The following FBXO16 variants were observed in gnomAD, a reference collection of about 807,000 sequenced individuals.
FBXO16 encodes F-box only protein 16.
FBXO16 carries 31 observed loss-of-function variants against 41.0 expected under a neutral mutation model. That is an observed-to-expected ratio of 0.76 (90% CI 0.57 to 1.02). The LOEUF (loss-of-function observed/expected upper bound fraction) is 1.02, where lower values mean the gene tolerates loss of function less well. FBXO16 is among the 50% of genes least tolerant of loss of function. FBXO16 has a pLI of 0.00. For synonymous variants in FBXO16, 133 were observed against 117.8 expected, an observed-to-expected ratio of 1.13 and a Z score of -0.84; for missense variants, 361 against 346.2, an observed-to-expected ratio of 1.04 and a Z score of -0.34.
chr8:28,439,389 C>T (rs1178386489), intron 7 of FBXO16, among the ~76,000 whole-genome samples: 2 of 152,044 alleles, frequency 1.3e-5, no homozygotes, highest in African/African-American at 4.8e-5. Flanking sequence ...AGTTAAAAAC[C>T]TCTCCAATGG....
chr8:28,447,576 G>C (rs1039517303), intron 6 of FBXO16: 1 of 287,924 alleles, frequency 3.5e-6, no homozygotes, highest in African/African-American at 2.2e-5. Flanking sequence ...TATGTACTGG[G>C]TGCTGCCATT....
rs200589242 is a variant in FBXO16, at chr8:28,489,719, A to C, written c.-17+467T>G. Among the ~76,000 whole-genome samples the C allele has an allele frequency of 5.4e-4, 81 of 150,730 alleles. 1 individual carries two copies. The highest frequency in any genetic ancestry group is 6.8e-3 in the Middle Eastern group (2 of 294). ...TGTCTCAAAAAACAAAAACCAACAA[A>C]AAAAAAAAAACCCTTGTAGAATTGT... On this transcript the variant is annotated intron_variant, in intron 1 of 8. Coordinates refer to ENST00000380254, the MANE Select transcript of FBXO16 (RefSeq NM_172366.4).
At chr8:28,461,760 G>C (rs1226376039) in intron 4 of FBXO16, among the ~76,000 whole-genome samples, 2 of 152,108 alleles carry the variant, frequency 1.3e-5, no homozygotes, top group Non-Finnish European at 2.9e-5. Flanking sequence ...AATGAAGAAA[G>C]CAAGATTTTA....
chr8:28,484,121 T>G (rs926156610), intron 1 of FBXO16, among the ~76,000 whole-genome samples: 2 of 152,174 alleles, frequency 1.3e-5, no homozygotes, highest in Non-Finnish European at 2.9e-5. Flanking sequence ...CACTGGACTC[T>G]GGGGGGAAAT....
At chr8:28,466,002 G>A (rs1297778537) in intron 3 of FBXO16, among the ~76,000 whole-genome samples, 1 of 152,120 alleles carries the variant, frequency 6.6e-6, no homozygotes, top group Non-Finnish European at 1.5e-5. Flanking sequence ...ATGCCTGGGA[G>A]GCCGAGGCCG....
chr8:28,453,430 T>C (rs1802987449), intron 5 of FBXO16, among the ~76,000 whole-genome samples: 1 of 151,960 alleles, frequency 6.6e-6, no homozygotes, highest in Non-Finnish European at 1.5e-5. Context: ...AGAAATTTTA[T>C]CAATTATCAA....
chr8:28,446,996 A>G (rs1802874527), intron 7 of FBXO16, 175 bp downstream of exon 7: 3 of 560,464 alleles, frequency 5.4e-6, no homozygotes, highest in Non-Finnish European at 9.4e-6. Flanking sequence ...GAGAGATTAA[A>G]TAAAGTGTAT....
Position 28,428,484 on chromosome 8 carries a change from C to T in FBXO16, c.*243G>A, listed in dbSNP as rs1802559526. The T allele has an allele frequency of 7.2e-6, 10 of 1,387,996 alleles. No individual in the cohort carries two copies. Among genetic ancestry groups the T allele is most frequent in the Middle Eastern group, 2.5e-4 (1 of 3,942 alleles). 86.0% of individuals were successfully genotyped at this position (1,387,996 alleles called of 1,614,324 possible). On this transcript the variant is annotated 3_prime_UTR_variant, in exon 9 of 9. Transcript: ENST00000380254. ...ATAAGTACTTAAGCTGAAAGAGTTT[C>T]TAATGGGAGCCAAGTAAATTCAGCT...
At chr8:28,476,502 T>G (rs1803425363) in intron 2 of FBXO16, among the ~76,000 whole-genome samples, 2 of 152,216 alleles carry the variant, frequency 1.3e-5, no homozygotes, top group African/African-American at 4.8e-5. Flanking sequence ...TTTCAGAGAT[T>G]TGCAATCAGG....
intron 2 of FBXO16, 84 bp from the exon 3 acceptor site, chr8:28,473,891 G>A (rs928052384): frequency 2.6e-5 from 26 of 1,005,954 alleles, no homozygotes; most frequent in African/African-American, 3.3e-5. Context: ...TTAAGGGATC[G>A]GTGAATAAAC....
At chr8:28,471,805 C>CAAAAAAAAAA (rs557259701) in intron 3 of FBXO16, among the ~76,000 whole-genome samples, 1 of 23,728 alleles carries the variant, frequency 4.2e-5, no homozygotes, top group African/African-American at 7.8e-5. Context: ...CAGAGAATCT[C>CAAAAAAAAAA]AAAAAAAAAA....
At chr8:28,440,547 T>C (rs952588003) in intron 7 of FBXO16, among the ~76,000 whole-genome samples, 9 of 152,206 alleles carry the variant, frequency 5.9e-5, no homozygotes, top group African/African-American at 1.9e-4. Context: ...TTAGAGTATA[T>C]TCCTGTGTGT....
intron 3 of FBXO16, 26 bp from the exon 4 acceptor site, chr8:28,463,844 GTAAAA>G: frequency 6.2e-7 from 1 of 1,606,900 alleles, no homozygotes; most frequent in Non-Finnish European, 8.5e-7. Flanking sequence ...AAAGCAAAAT[GTAAAA>G]AGCTCCAGGT....
chr8:28,469,911 T>C (rs192397985), intron 3 of FBXO16, among the ~76,000 whole-genome samples: 1 of 80,368 alleles, frequency 1.2e-5, no homozygotes, highest in Admixed American at 1.2e-4. Flanking sequence ...AAAATAATAA[T>C]AATAATAATA....
intron 4 of FBXO16, among the ~76,000 whole-genome samples, chr8:28,463,239 T>C (rs1803169157): frequency 6.6e-6 from 1 of 151,638 alleles, no homozygotes; most frequent in African/African-American, 2.4e-5. Context: ...TGTGTGTTTG[T>C]GTACACGTTT....
rs182511307 is a variant in FBXO16, at chr8:28,472,674, G to A, written c.135+1098C>T. ...GGAGAATCACTTGAACCCGGGAGGC[G>A]GAGGAGGTTGCAGTGATCCGAGATG... is the stretch of plus-strand genomic sequence containing the variant. On this transcript the variant is annotated intron_variant, in intron 3 of 8. Transcript: ENST00000380254. Among the ~76,000 whole-genome samples the A allele has an allele frequency of 1.4e-4, 22 of 152,136 alleles. No homozygotes were observed. The East Asian group carries it at 3.9e-3, about 27-fold the overall frequency.
chr8:28,473,740 A>G (rs372285700), intron 3 of FBXO16, 32 bp downstream of exon 3: 60 of 1,573,830 alleles, frequency 3.8e-5, no homozygotes, highest in Middle Eastern at 1.7e-4. Context: ...ATAACATAAC[A>G]TAATGCAAAA....
At chr8:28,454,675 C>T (rs1413191192) in intron 5 of FBXO16, among the ~76,000 whole-genome samples, 1 of 144,384 alleles carries the variant, frequency 6.9e-6, no homozygotes, top group Non-Finnish European at 1.5e-5. Flanking sequence ...TTGCAGTGAG[C>T]CGAGATGGCG....
intron 5 of FBXO16, among the ~76,000 whole-genome samples, chr8:28,453,785 CG>C (rs1802993407): frequency 6.6e-6 from 1 of 151,924 alleles, no homozygotes. Context: ...TATTTGTCTA[CG>C]TCCTGGGCTA....
Sources: gnomAD v4.1 joint callset for allele counts (sites outside exome capture counted in the v4.1 genomes callset) on GRCh38, gnomAD v4.1.1 for gene constraint, MANE v1.5 for transcripts, NCBI Gene and HGNC (gene_info 2026-07-23, HGNC 2026-07-21) for gene names.